ZCCHC2: variants seen among roughly 807,000 people sequenced by gnomAD.
The protein encoded by ZCCHC2 is zinc finger CCHC-type containing 2, also known as zinc finger CCHC domain-containing protein 2.
In ZCCHC2, 39 loss-of-function variants were observed where a neutral mutation model predicts 103.6. The ratio of observed to expected loss-of-function variants is 0.38; its 90% CI spans 0.29 to 0.49. The LOEUF (loss-of-function observed/expected upper bound fraction) is 0.49. ZCCHC2 is among the 20% of genes least tolerant of loss of function. ZCCHC2 has a pLI of 0.96. For synonymous variants in ZCCHC2, 687 were observed against 608.9 expected, an observed-to-expected ratio of 1.13 and a Z score of -1.89; for missense variants, 1,483 against 1,491.0, an observed-to-expected ratio of 0.99 and a Z score of 0.09.
In ZCCHC2 at chr18:62,524,019, G is replaced by T; in HGVS notation, c.595G>T (p.Asp199Tyr). The change falls in exon 1 of 14, where the codon GAC (aspartate) becomes TAC (tyrosine). Residue 199 changes from aspartate (D) to tyrosine (Y), a missense_variant. Around this residue, in one of 3 missense-constraint regions of ZCCHC2, gnomAD observed 568 missense variants for 525.1 expected, o/e 1.08. Transcript: ENST00000269499. ...TCTGCACCGCCTGCTACCCCAGGTG[G>T]ACTCGGTGCTCAAAAGCCTGCGCGC... ...GRLHRLLPQV[D>Y]SVLKSLRAAR... 6.8e-7 allele frequency: 1 copy of T among 1,479,066 alleles called. No individual in the cohort carries two copies. The highest frequency in any genetic ancestry group is 8.9e-7 in the Non-Finnish European group (1 of 1,124,426). The allele number at this position is 1,479,066 out of a possible 1,614,324, so 91.6% of individuals were successfully genotyped here. A position where few individuals can be genotyped will look rare whatever the true frequency, so the allele number is the denominator to read the frequency against.
At chr18:62,571,182 T>C (rs768576047) in intron 12 of ZCCHC2, among the ~76,000 whole-genome samples, 2 of 149,446 alleles carry the variant, frequency 1.3e-5, no homozygotes. Context: ...GGTAAGAGGC[T>C]GTAACACAGA....
chr18:62,540,569 G>A (rs1915127454), intron 2 of ZCCHC2, among the ~76,000 whole-genome samples: 1 of 151,818 alleles, frequency 6.6e-6, no homozygotes, highest in Non-Finnish European at 1.5e-5. Flanking sequence ...GACGATCACG[G>A]TACTCCTATC....
intron 1 of ZCCHC2, among the ~76,000 whole-genome samples, chr18:62,532,122 T>TGC (rs145663766): frequency 1.6e-4 from 25 of 152,080 alleles, no homozygotes; most frequent in Admixed American, 8.5e-4. Context: ...GGTGTGTGTG[T>TGC]GCGCGCGCGC....
intron 5 of ZCCHC2, chr18:62,551,170 ATGGGTAGAT>A (rs1190555268): frequency 6.6e-6 from 1 of 152,220 alleles, no homozygotes; most frequent in Non-Finnish European, 1.5e-5. Flanking sequence ...TTTCTTAAGA[ATGGGTAGAT>A]TGAGGGTGTG....
intron 1 of ZCCHC2, among the ~76,000 whole-genome samples, chr18:62,526,596 C>T (rs1914407791): frequency 6.6e-6 from 1 of 152,164 alleles, no homozygotes; most frequent in African/African-American, 2.4e-5. Context: ...GCAGTCCGGC[C>T]CAGCTGTTCT....
chr18:62,546,404 A>C (rs546407546), intron 4 of ZCCHC2, among the ~76,000 whole-genome samples: 2 of 152,330 alleles, frequency 1.3e-5, no homozygotes, highest in South Asian at 2.1e-4. Context: ...CCTTCTAATT[A>C]TTTCTTTCTT....
At position 62,540,410 on chromosome 18, in the gene ZCCHC2, T is replaced by C. The variant is rs1385549198; in HGVS notation, c.1051+618T>C. ...TAAGCTTCACACTCAGTTATAACAATTTTGAATTTATGTCATTATGTCTCC... is the reference window on the plus strand; with the variant it reads ...TAAGCTTCACACTCAGTTATAACAACTTTGAATTTATGTCATTATGTCTCC... On this transcript the variant is annotated intron_variant, in intron 2 of 13. Transcript: ENST00000269499. 2.0e-5 allele frequency among the ~76,000 whole-genome samples: 3 copies of C among 151,450 alleles called. No homozygotes were observed. The East Asian group carries it at 5.8e-4, about 29-fold the overall frequency.
intron 5 of ZCCHC2, among the ~76,000 whole-genome samples, chr18:62,553,187 T>TGTGA: frequency 6.6e-6 from 1 of 151,752 alleles, no homozygotes; most frequent in South Asian, 2.1e-4. Flanking sequence ...TGTGTGTGTG[T>TGTGA]GTGTGTGTGT....
chr18:62,556,412 A>G (rs1480226508), intron 6 of ZCCHC2, 115 bp downstream of exon 6: 1 of 761,910 alleles, frequency 1.3e-6, no homozygotes. Context: ...ATAGTGACAT[A>G]CATTTTTAAT....
chr18:62,532,115 G>A (rs762650150), intron 1 of ZCCHC2, among the ~76,000 whole-genome samples: 1 of 151,736 alleles, frequency 6.6e-6, no homozygotes, highest in African/African-American at 2.4e-5. Context: ...GTGAAGGGGT[G>A]TGTGTGTGCG....
Position 62,570,220 on chromosome 18 carries a change from A to G in ZCCHC2, c.1964A>G (p.Glu655Gly). 6.2e-7 allele frequency: 1 copy of G among 1,611,572 alleles called. No individual in the cohort carries two copies. Among genetic ancestry groups the G allele is most frequent in the Non-Finnish European group, 8.5e-7 (1 of 1,178,830 alleles). Residue 655 changes from glutamate to glycine, a missense_variant, in exon 12 of 14, where the codon GAG becomes GGG. Around this residue, in one of 3 missense-constraint regions of ZCCHC2, gnomAD observed 884 missense variants for 907.5 expected, o/e 0.97. Transcript: ENST00000269499. ...DGRESFESEE[E>G]KDRDTDSNSE... The stretch of plus-strand genomic sequence containing the variant: ...AGAGAAAGTTTTGAAAGTGAAGAAG[A>G]GAAAGACAGAGGTTTGCTCTTTGAA...
At chr18:62,528,309 TTGCGGCCAG>T (rs1362523411) in intron 1 of ZCCHC2, among the ~76,000 whole-genome samples, 1 of 152,242 alleles carries the variant, frequency 6.6e-6, no homozygotes, top group Non-Finnish European at 1.5e-5. Flanking sequence ...AAAGAAAACC[TTGCGGCCAG>T]GTGCGGTGGC....
chr18:62,565,893 A>T (rs1568554792), intron 11 of ZCCHC2, among the ~76,000 whole-genome samples: 1 of 152,166 alleles, frequency 6.6e-6, no homozygotes, highest in Non-Finnish European at 1.5e-5. Context: ...TTTCAACTAG[A>T]TATTTGTATA....
chr18:62,524,105 C>T lies in ZCCHC2; in HGVS notation c.681C>T (p.Gly227=), dbSNP rs549416164. ...ACGAGCGCGGCGAGGACGGCGACGG[C>T]GAGCAGGACGCCGAGAAGGACGGCT... ...AEDERGEDGD[G]EQDAEKDGSG... Residue 227 remains glycine, a synonymous_variant, in exon 1 of 14, where the codon GGC becomes GGT. Transcript: ENST00000269499. 2 of 1,521,590 alleles carry T rather than the reference C, an allele frequency of 1.3e-6. No individual in the cohort carries two copies. Among genetic ancestry groups the T allele is most frequent in the Non-Finnish European group, 8.8e-7 (1 of 1,139,606 alleles). The allele number at this position is 1,521,590 out of a possible 1,614,324, so 94.3% of individuals were successfully genotyped here. A position where few individuals can be genotyped will look rare whatever the true frequency, so the allele number is the denominator to read the frequency against.
chr18:62,585,693 A>G (rs1917152932), exon 15 of ZCCHC2: 2 of 152,248 alleles, frequency 1.3e-5, no homozygotes, highest in Non-Finnish European at 2.9e-5. Context: ...GTTGTAGAGT[A>G]GTTGCACGAT....
chr18:62,540,953 A>G (rs188795251), intron 2 of ZCCHC2, among the ~76,000 whole-genome samples: 1 of 152,338 alleles, frequency 6.6e-6, no homozygotes, highest in Admixed American at 6.5e-5. Context: ...GTAATGTCAT[A>G]GTGGCTTTTT....
chr18:62,557,244 G>A (rs186283113), intron 6 of ZCCHC2, among the ~76,000 whole-genome samples: 95 of 152,212 alleles, frequency 6.2e-4, no homozygotes, highest in Non-Finnish European at 1.2e-3. Context: ...TATTTTGTCA[G>A]TAACATTGGC....
Position 62,574,290 on chromosome 18 carries a change from G to C in ZCCHC2, c.2209G>C (p.Val737Leu). The change falls in exon 13 of 14, where the codon GTT (valine) becomes CTT (leucine). Residue 737 changes from valine (V) to leucine (L), a missense_variant. Val to Leu is a conservative substitution (Grantham distance 32). Coordinates refer to ENST00000269499, the MANE Select transcript of ZCCHC2 (RefSeq NM_017742.6). ...HNGAQKSEVV[V>L]PAPKPADGKT... ...TGGTGCCCAGAAGTCTGAAGTTGTCGTTCCTGCACCCAAACCCGCTGATGG... is the reference window on the plus strand; with the variant it reads ...TGGTGCCCAGAAGTCTGAAGTTGTCCTTCCTGCACCCAAACCCGCTGATGG... 6.2e-7 allele frequency: 1 copy of C among 1,614,030 alleles called. No individual in the cohort carries two copies. The highest frequency in any genetic ancestry group is 8.5e-7 in the Non-Finnish European group (1 of 1,179,898).
At chr18:62,542,344 C>CT (rs751599892) in intron 2 of ZCCHC2, among the ~76,000 whole-genome samples, 154 bp from the exon 3 acceptor site, 165 of 151,042 alleles carry the variant, frequency 1.1e-3, no homozygotes, top group Non-Finnish European at 2.0e-3. Flanking sequence ...TTTTTGTCTT[C>CT]TTTTTTTTTA....
Sources: gnomAD v4.1 joint callset for allele counts (sites outside exome capture counted in the v4.1 genomes callset) on GRCh38, gnomAD v4.1.1 for gene constraint, gnomAD v4.1.1 regional missense constraint, MANE v1.5 for transcripts, NCBI Gene and HGNC (gene_info 2026-07-23, HGNC 2026-07-21) for gene names.